Variants in TAF4 observed in about 807,000 individuals in gnomAD.
TAF4 encodes TATA-box binding protein associated factor 4, also known as transcription initiation factor TFIID subunit 4.
A neutral mutation model predicts 90.3 loss-of-function variants in TAF4; 9 were observed. The observed-to-expected ratio is 0.10, with a 90% CI of 0.06 to 0.17. The LOEUF (loss-of-function observed/expected upper bound fraction) is 0.17, where lower values mean the gene tolerates loss of function less well. Among genes scored for constraint, TAF4 ranks in the 10% least tolerant of loss-of-function variants. The probability of loss-of-function intolerance (pLI) is 1.00; values close to 1 mark genes in which losing one functional copy is unlikely to be tolerated. For synonymous variants in TAF4, 818 were observed against 638.9 expected (o/e 1.28, Z -4.23); for missense variants, 1,351 against 1,370.7 (o/e 0.99, Z 0.23).
In TAF4 at chr20:62,065,845, G is replaced by C. The variant is rs909850759; in HGVS notation, c.-35C>G. 49 of 1,229,648 alleles carry C rather than the reference G, an allele frequency of 4.0e-5. No homozygotes were observed. Among genetic ancestry groups the C allele is most frequent in the Non-Finnish European group, 4.7e-5 (45 of 961,884 alleles). 76.2% of individuals were successfully genotyped at this position (1,229,648 alleles called of 1,614,324 possible). On this transcript the variant is annotated 5_prime_UTR_variant, in exon 1 of 15. Coordinates refer to ENST00000252996, the MANE Select transcript of TAF4 (RefSeq NM_003185.4). ...TCGGCCGCCGCCGCCGCCGCCGCTC[G>C]GGCCGAGCGCGCCTGGGCGAGGAGG...
intron 3 of TAF4, among the ~76,000 whole-genome samples, chr20:62,011,356 T>C (rs1319538966): frequency 6.6e-6 from 1 of 152,188 alleles, no homozygotes; most frequent in Non-Finnish European, 1.5e-5. Flanking sequence ...TCACACTTAC[T>C]TCCACTCCTA....
rs561941974 is a variant in TAF4 at position 61,989,942 on chromosome 20, T to C, written c.3090+7608A>G. Among the ~76,000 whole-genome samples, 6 of 152,202 alleles carry C rather than the reference T, an allele frequency of 3.9e-5. No individual in the cohort carries two copies. The East Asian group carries it at 5.8e-4, about 15-fold the overall frequency. ...CGACACAGGCAGGCGGTTAATAACA[T>C]TGAGGCTGTGGGTGGAGGTGCGATA... is the stretch of plus-strand genomic sequence containing the variant. On this transcript the variant is annotated intron_variant, in intron 14 of 14. Coordinates refer to ENST00000252996, the MANE Select transcript of TAF4 (RefSeq NM_003185.4).
chr20:61,990,781 G>A (rs143513802), intron 14 of TAF4, among the ~76,000 whole-genome samples: 2 of 152,316 alleles, frequency 1.3e-5, no homozygotes, highest in East Asian at 3.9e-4. Flanking sequence ...AGATGCTTGG[G>A]AGGTGCACAG....
rs774491778 is a variant in TAF4 at position 62,006,798 on chromosome 20, C to T, written c.1975-40G>A. On this transcript the variant is annotated intron_variant, in intron 6 of 14. Coordinates refer to ENST00000252996, the MANE Select transcript of TAF4 (RefSeq NM_003185.4). The surrounding 1 kb of genome is among the most constrained non-coding windows in gnomAD (Gnocchi z 7.0). ...AGACACGAGGGGTCAGGCGGCTGCT[C>T]ATGCGTCGGTTTTCCTTGCTTAAAA... 2.1e-6 allele frequency: 3 copies of T among 1,425,888 alleles called. No homozygotes were observed. Among genetic ancestry groups the T allele is most frequent in the Non-Finnish European group, 2.8e-6 (3 of 1,079,614 alleles). 88.3% of individuals were successfully genotyped at this position (1,425,888 alleles called of 1,614,324 possible).
intron 1 of TAF4, among the ~76,000 whole-genome samples, chr20:62,019,099 C>G (rs2055828450): frequency 1.3e-5 from 2 of 152,248 alleles, no homozygotes; most frequent in South Asian, 2.1e-4. Context: ...GTCCAGCTAA[C>G]AGAACCGCAC....
chr20:62,000,336 T>C (rs2055691342), intron 10 of TAF4, 82 bp from the exon 11 acceptor site: 1 of 1,549,656 alleles, frequency 6.5e-7, no homozygotes, highest in Non-Finnish European at 8.7e-7. Flanking sequence ...ATCCAGCAGT[T>C]ACTGCTTTTA....
chr20:61,975,981 A>T lies in TAF4; in HGVS notation c.*187T>A. On this transcript the variant is annotated 3_prime_UTR_variant, in exon 15 of 15. Coordinates refer to ENST00000252996, the MANE Select transcript of TAF4 (RefSeq NM_003185.4). ...ATTTAATTGTCCTTTAAGAGTATCC[A>T]CAGGCCTTTGTGTTCTCTCTGTTAC... The T allele has an allele frequency of 1.6e-6, 1 of 632,546 alleles. No homozygotes were observed. The highest frequency in any genetic ancestry group is 4.2e-4 in the Middle Eastern group (1 of 2,356). 39.2% of individuals were successfully genotyped at this position (632,546 alleles called of 1,614,324 possible). A position where few individuals can be genotyped will look rare whatever the true frequency, so the allele number is the denominator to read the frequency against.
At chr20:62,053,536 T>C (rs2145516078) in intron 1 of TAF4, among the ~76,000 whole-genome samples, 1 of 152,342 alleles carries the variant, frequency 6.6e-6, no homozygotes, top group Admixed American at 6.5e-5. Flanking sequence ...GCGACGTTTA[T>C]GCTGAGAAGC....
At position 62,065,041 on chromosome 20, in the gene TAF4, G is replaced by C; in HGVS notation, c.770C>G (p.Pro257Arg). Residue 257 changes from proline (P) to arginine (R), a missense_variant, in exon 1 of 15, where the codon CCC becomes CGC. By Grantham distance (103) the Pro-to-Arg change is moderately radical. Around this residue, in one of 9 missense-constraint regions of TAF4, gnomAD observed 782 missense variants for 536.6 expected, o/e 1.46. Coordinates refer to ENST00000252996, the MANE Select transcript of TAF4 (RefSeq NM_003185.4). ...GGCGGCGGGCGCGGGGGCGGCGGGGGGCGAGGGCGCGGCGGGCGCGGGGGG... is the reference window on the plus strand; with the variant it reads ...GGCGGCGGGCGCGGGGGCGGCGGGGCGCGAGGGCGCGGCGGGCGCGGGGGG... ...AAPPAPAAPS[P>R]PAAPAPAAPA... is the part of the protein sequence containing the mutation. 6.2e-6 allele frequency: 4 copies of C among 640,224 alleles called. No homozygotes were observed. The highest frequency in any genetic ancestry group is 7.6e-6 in the Non-Finnish European group (4 of 523,592). The allele number at this position is 640,224 out of a possible 1,614,324, so 39.7% of individuals were successfully genotyped here. A position where few individuals can be genotyped will look rare whatever the true frequency, so the allele number is the denominator to read the frequency against.
chr20:62,023,761 AAAAAAAAAAG>A (rs1343031992), intron 1 of TAF4, among the ~76,000 whole-genome samples: 1,501 of 147,318 alleles, frequency 0.01, 8 homozygotes, highest in Non-Finnish European at 0.013. Flanking sequence ...AAAAAAAAAA[AAAAAAAAAAG>A]AAAGAAAGAA....
In TAF4 at chr20:62,006,746, C is replaced by A; in HGVS notation, c.1987G>T (p.Ala663Ser). The A allele has an allele frequency of 6.6e-7, 1 of 1,518,510 alleles. No individual in the cohort carries two copies. The allele number at this position is 1,518,510 out of a possible 1,614,324, so 94.1% of individuals were successfully genotyped here. A position where few individuals can be genotyped will look rare whatever the true frequency, so the allele number is the denominator to read the frequency against. Residue 663 changes from alanine to serine, a missense_variant, in exon 7 of 15, where the codon GCC becomes TCC. Around this residue, in one of 9 missense-constraint regions of TAF4, gnomAD observed 202 missense variants for 229.7 expected, o/e 0.88. Coordinates refer to ENST00000252996, the MANE Select transcript of TAF4 (RefSeq NM_003185.4). The surrounding 1 kb of genome is among the most constrained non-coding windows in gnomAD (Gnocchi z 7.0). ...GAGTCGGGGGTCAGCTGTCTCAAGG[C>A]GGGTAAGCTCCTCTGGGTGGAAAGA... Reference protein sequence around the residue: ...LVPFLKRSLPALRQLTPDSAA... With the variant: ...LVPFLKRSLPSLRQLTPDSAA...
intron 1 of TAF4, among the ~76,000 whole-genome samples, chr20:62,063,509 A>T (rs2056101832): frequency 6.6e-6 from 1 of 152,172 alleles, no homozygotes; most frequent in African/African-American, 2.4e-5. Flanking sequence ...TTTCCTGTCA[A>T]ACTTGAGGGG....
At chr20:62,028,298 TTTAAG>T (rs754099010) in intron 1 of TAF4, among the ~76,000 whole-genome samples, 2 of 152,220 alleles carry the variant, frequency 1.3e-5, no homozygotes, top group Admixed American at 6.5e-5. Context: ...TTGAATTCTC[TTTAAG>T]TTAACTTTAA....
At chr20:62,002,631 C>T (rs2055714014) in intron 9 of TAF4, among the ~76,000 whole-genome samples, 2 of 152,200 alleles carry the variant, frequency 1.3e-5, no homozygotes, top group African/African-American at 4.8e-5. Flanking sequence ...GCTAGGCCCA[C>T]AGGCACACAC....
intron 13 of TAF4, among the ~76,000 whole-genome samples, chr20:61,997,907 C>T (rs1461271292): frequency 6.6e-6 from 1 of 152,170 alleles, no homozygotes; most frequent in African/African-American, 2.4e-5. Flanking sequence ...AGCACAGAGA[C>T]TAATGCCCCC....
intron 14 of TAF4, among the ~76,000 whole-genome samples, chr20:61,993,793 C>T (rs2055646619): frequency 1.3e-5 from 2 of 152,134 alleles, no homozygotes; most frequent in African/African-American, 4.8e-5. Flanking sequence ...CGCTCTGTCA[C>T]CCAGGCTAGA....
Position 61,998,040 on chromosome 20 carries a change from C to T in TAF4, c.2970+96G>A, listed in dbSNP as rs1481968162. On this transcript the variant is annotated intron_variant, in intron 13 of 14. Transcript: ENST00000252996. ...TTTAAACAGACACGCAAATGCCTAT[C>T]GTACAGAAGTGCCACGGTTTCCTTA... 9 of 1,172,080 alleles carry T rather than the reference C, an allele frequency of 7.7e-6. 1 individual carries two copies. The highest frequency in any genetic ancestry group is 7.0e-5 in the South Asian group (5 of 71,356). The allele number at this position is 1,172,080 out of a possible 1,614,324, so 72.6% of individuals were successfully genotyped here.
chr20:62,009,145 T>C lies in TAF4; in HGVS notation c.1791A>G (p.Lys597=), dbSNP rs757004601. 4 of 1,612,378 alleles carry C rather than the reference T, an allele frequency of 2.5e-6. No individual in the cohort carries two copies. The highest frequency in any genetic ancestry group is 3.4e-6 in the Non-Finnish European group (4 of 1,179,384). Residue 597 remains lysine (K), a synonymous_variant, in exon 5 of 15, where the codon AAA becomes AAG. Coordinates refer to ENST00000252996, the MANE Select transcript of TAF4 (RefSeq NM_003185.4). ...GTTTTATTAACGTAGATAGGAAATT[T>C]TTACATTTCTTCACGTTTTCCATAG... ...TETMENVKKC[K]NFLSTLIKLA...
chr20:62,034,829 T>C (rs976631198), intron 1 of TAF4, among the ~76,000 whole-genome samples: 2 of 148,914 alleles, frequency 1.3e-5, no homozygotes, highest in Admixed American at 6.7e-5. Context: ...ATAGATTTCT[T>C]TTTTTTTTTG....
Sources: allele counts gnomAD v4.1 joint callset (sites outside exome capture counted in the v4.1 genomes callset), GRCh38; gene constraint gnomAD v4.1.1; regional missense constraint gnomAD v4.1.1; non-coding constraint Gnocchi (gnomAD v3.1); transcripts MANE v1.5; gene names NCBI Gene and HGNC (gene_info 2026-07-23, HGNC 2026-07-21).